The following ERP44 variants were observed in gnomAD, a reference collection of about 807,000 sequenced individuals.
ERP44 encodes endoplasmic reticulum resident protein 44.
In ERP44, 25 loss-of-function variants were observed where a neutral mutation model predicts 53.4. That is an observed-to-expected ratio of 0.47 (90% CI 0.34 to 0.65). The LOEUF (loss-of-function observed/expected upper bound fraction) is 0.65. ERP44 is among the 30% of genes least tolerant of loss of function. ERP44 has a pLI of 0.01. For synonymous variants in ERP44, 145 were observed against 161.2 expected (o/e 0.90, Z 0.76); for missense variants, 338 against 493.2 (o/e 0.69, Z 2.98).
chr9:100,039,310 C>A (rs1427893378), intron 4 of ERP44, among the ~76,000 whole-genome samples: 1 of 151,950 alleles, frequency 6.6e-6, no homozygotes, highest in Non-Finnish European at 1.5e-5. Flanking sequence ...TTAAAACGTT[C>A]AAAAAAATTG....
chr9:100,092,256 A>G (rs1297224373), intron 1 of ERP44, among the ~76,000 whole-genome samples: 1 of 152,244 alleles, frequency 6.6e-6, no homozygotes, highest in Non-Finnish European at 1.5e-5. Context: ...TCAATATCAG[A>G]TAAGCTGTGA....
chr9:100,070,354 T>G (rs1371752020), intron 1 of ERP44, among the ~76,000 whole-genome samples: 1 of 152,238 alleles, frequency 6.6e-6, no homozygotes, highest in Non-Finnish European at 1.5e-5. Context: ...ACAAACTTCA[T>G]TTTCACATTA....
intron 1 of ERP44, among the ~76,000 whole-genome samples, chr9:100,069,656 T>A (rs1826277813): frequency 6.6e-6 from 1 of 152,130 alleles, no homozygotes; most frequent in African/African-American, 2.4e-5. Flanking sequence ...AAAAAAATTA[T>A]AAGATTTCTT....
intron 10 of ERP44, among the ~76,000 whole-genome samples, chr9:99,992,267 A>G (rs1282647655): frequency 6.6e-6 from 1 of 152,268 alleles, no homozygotes; most frequent in African/African-American, 2.4e-5. Context: ...AAAATCCTCA[A>G]TAAAACACTG....
chr9:100,052,300 A>AC, intron 4 of ERP44, 117 bp downstream of exon 4: 1 of 470,628 alleles, frequency 2.1e-6, no homozygotes, highest in Non-Finnish European at 3.6e-6. Context: ...AAAGCAGAGC[A>AC]TTTAAAAAAA....
intron 10 of ERP44, among the ~76,000 whole-genome samples, chr9:99,992,673 C>T (rs1381241861): frequency 6.6e-6 from 1 of 152,150 alleles, no homozygotes; most frequent in African/African-American, 2.4e-5. Flanking sequence ...CCACGGCAAT[C>T]AGGCAGGAGA....
Position 99,982,136 on chromosome 9 carries a change from C to T in ERP44, c.*476G>A, listed in dbSNP as rs982268627. 6.6e-6 allele frequency: 1 copy of T among 152,638 alleles called. No individual in the cohort carries two copies. Among genetic ancestry groups the T allele is most frequent in the South Asian group, 2.1e-4 (1 of 4,836 alleles). 9.5% of individuals were successfully genotyped at this position (152,638 alleles called of 1,614,324 possible). A position where few individuals can be genotyped will look rare whatever the true frequency, so the allele number is the denominator to read the frequency against. On this transcript the variant is annotated 3_prime_UTR_variant, in exon 12 of 12. Coordinates refer to ENST00000262455, the MANE Select transcript of ERP44 (RefSeq NM_015051.3). ...TCCAACCAATCAGTAAAACACAGTA[C>T]ACAGTGTGAAAACTTTAATTTATTC...
Position 99,997,831 on chromosome 9 carries a change from A to G in ERP44, c.1016+8675T>C, listed in dbSNP as rs1564086076. ...ACTTTGCAGGCATGGCTGACTCACA[A>G]AGGTTGTAACAAACAAGAACTGCTC... On this transcript the variant is annotated intron_variant, in intron 10 of 11. Transcript: ENST00000262455. 1.3e-5 allele frequency among the ~76,000 whole-genome samples: 2 copies of G among 152,190 alleles called. 1 individual carries two copies. Among genetic ancestry groups the G allele is most frequent in the South Asian group, 4.2e-4 (2 of 4,802 alleles).
chr9:99,996,465 CT>C (rs1830310759), intron 10 of ERP44, among the ~76,000 whole-genome samples: 1 of 152,204 alleles, frequency 6.6e-6, no homozygotes, highest in Non-Finnish European at 1.5e-5. Flanking sequence ...AAATAAACCT[CT>C]TTTCTTTATA....
intron 10 of ERP44, chr9:99,998,947 T>C: frequency 1.3e-6 from 2 of 1,582,648 alleles, no homozygotes; most frequent in African/African-American, 1.3e-5. Context: ...ACACAGTAGG[T>C]TTCTAAAAAG....
chr9:99,993,077 G>C (rs1472346964), intron 10 of ERP44, among the ~76,000 whole-genome samples: 1 of 152,170 alleles, frequency 6.6e-6, no homozygotes, highest in Non-Finnish European at 1.5e-5. Context: ...TCATAAAAAT[G>C]GCCATACTGC....
At chr9:99,997,398 T>C (rs1482681423) in intron 10 of ERP44, among the ~76,000 whole-genome samples, 3 of 79,644 alleles carry the variant, frequency 3.8e-5, no homozygotes, top group African/African-American at 1.6e-4. Context: ...ATTAGTGATG[T>C]TTAGCATTTT....
intron 4 of ERP44, among the ~76,000 whole-genome samples, chr9:100,029,500 T>C (rs1047346220): frequency 2.0e-5 from 3 of 152,196 alleles, no homozygotes; most frequent in African/African-American, 7.2e-5. Flanking sequence ...GAATGGCTAT[T>C]AACAAAAATG....
chr9:100,028,247 A>AC (rs1830674286), intron 4 of ERP44, among the ~76,000 whole-genome samples: 1 of 152,178 alleles, frequency 6.6e-6, no homozygotes, highest in African/African-American at 2.4e-5. Context: ...TTCTGCACTG[A>AC]CCAGCAAGCA....
At chr9:100,057,993 G>A in intron 2 of ERP44, 134 bp from the exon 3 acceptor site, 1 of 654,210 alleles carries the variant, frequency 1.5e-6, no homozygotes, top group East Asian at 2.9e-5. Flanking sequence ...CTCTCACTCA[G>A]AAACCTAGAG....
rs1298462741 is a variant in ERP44, at chr9:100,067,150, GCTCTCGCTCTCC to G, written c.58-6990_58-6979del. Among the ~76,000 whole-genome samples, 15 of 149,252 alleles carry G rather than the reference GCTCTCGCTCTCC, an allele frequency of 1.0e-4. 1 individual carries two copies. The highest frequency in any genetic ancestry group is 6.8e-3 in the Middle Eastern group (2 of 292). ...CTAAAAAAACCAAACAACCGCTCTC[GCTCTCGCTCTCC>G]CTCTCGCTCTCCCTCTCCCTCTCCC... is the stretch of plus-strand genomic sequence containing the variant. On this transcript the variant is annotated intron_variant, in intron 1 of 11. Transcript: ENST00000262455.
At chr9:100,094,126 T>A (rs947845681) in intron 1 of ERP44, among the ~76,000 whole-genome samples, 1 of 152,140 alleles carries the variant, frequency 6.6e-6, no homozygotes, top group Non-Finnish European at 1.5e-5. Context: ...GTAACAACAG[T>A]GAACTGGTAT....
intron 1 of ERP44, among the ~76,000 whole-genome samples, chr9:100,069,931 T>C (rs529102625): frequency 6.6e-6 from 1 of 152,362 alleles, no homozygotes; most frequent in African/African-American, 2.4e-5. Context: ...TTAACTAATT[T>C]ACCTGGAACA....
At chr9:99,999,584 C>T (rs1190929767) in intron 10 of ERP44, among the ~76,000 whole-genome samples, 1 of 152,056 alleles carries the variant, frequency 6.6e-6, no homozygotes, top group Non-Finnish European at 1.5e-5. Flanking sequence ...AAGTATTAAC[C>T]CCTCATCAGA....
Sources: gnomAD v4.1 joint callset for allele counts (sites outside exome capture counted in the v4.1 genomes callset) on GRCh38, gnomAD v4.1.1 for gene constraint, MANE v1.5 for transcripts, NCBI Gene and HGNC (gene_info 2026-07-23, HGNC 2026-07-21) for gene names.